The following CACNA1C variants were observed in gnomAD, a reference collection of about 807,000 sequenced individuals.
CACNA1C encodes the protein voltage-dependent L-type calcium channel subunit alpha-1C.
In CACNA1C, 30 loss-of-function variants were observed where a neutral mutation model predicts 229.0. The ratio of observed to expected loss-of-function variants is 0.13; its 90% CI spans 0.10 to 0.18. The LOEUF (loss-of-function observed/expected upper bound fraction) is 0.18. Among genes scored for constraint, CACNA1C ranks in the 10% least tolerant of loss-of-function variants. The pLI, the probability that CACNA1C is intolerant of heterozygous loss-of-function variation, is 1.00. For missense variants in CACNA1C, 1,658 were observed against 2,845.0 expected (o/e 0.58, Z 9.49); for synonymous variants, 1,114 against 1,132.5 (o/e 0.98, Z 0.33).
At chr12:2,205,996 C>T (rs2097749072) in intron 3 of CACNA1C, among the ~76,000 whole-genome samples, 1 of 152,158 alleles carries the variant, frequency 6.6e-6, no homozygotes, top group African/African-American at 2.4e-5. Context: ...AATATCATCA[C>T]ACTGGGGGCT....
intron 3 of CACNA1C, among the ~76,000 whole-genome samples, chr12:2,303,192 G>T (rs2094714986): frequency 6.6e-6 from 1 of 152,252 alleles, no homozygotes; most frequent in South Asian, 2.1e-4. Context: ...GTGGGAAAAT[G>T]AGTGAGGAAA....
intron 9 of CACNA1C, among the ~76,000 whole-genome samples, chr12:2,518,963 A>T (rs2099804078): frequency 6.6e-6 from 1 of 152,202 alleles, no homozygotes; most frequent in African/African-American, 2.4e-5. Context: ...CCAAGGTGGG[A>T]AACAGCCACC....
Position 2,152,459 on chromosome 12 carries a change from G to C in CACNA1C, c.477+32029G>C, listed in dbSNP as rs1340349997. On this transcript the variant is annotated intron_variant, in intron 3 of 46. Coordinates refer to ENST00000399655, the MANE Select transcript of CACNA1C (RefSeq NM_000719.7). This position sits in a 1 kb window ranked among gnomAD's most constrained non-coding sequence, Gnocchi z 4.2. ...CCTCTGCAGGCGTGTTGCCGTCATG[G>C]TGAGGAGCCATTTCATATCATGCAG... Among the ~76,000 whole-genome samples the C allele has an allele frequency of 6.6e-6, 1 of 152,198 alleles. No individual in the cohort carries two copies. Among genetic ancestry groups the C allele is most frequent in the Non-Finnish European group, 1.5e-5 (1 of 68,038 alleles).
intron 1 of CACNA1C, among the ~76,000 whole-genome samples, chr12:2,039,246 A>G (rs148667075): frequency 1.9e-3 from 296 of 152,226 alleles, no homozygotes; most frequent in African/African-American, 6.9e-3. Context: ...CTTTAAACTA[A>G]TCTCCCTGGG....
chr12:2,547,496 T>C, intron 9 of CACNA1C: 1 of 779,776 alleles, frequency 1.3e-6, no homozygotes, highest in Non-Finnish European at 2.4e-6. Flanking sequence ...GGAAGTTTGC[T>C]TGGTTTAGTC....
At chr12:1,985,801 C>A (rs138597034) in intron 1 of CACNA1C, among the ~76,000 whole-genome samples, 4,152 of 152,134 alleles carry the variant, frequency 0.027, 95 homozygotes, top group Middle Eastern at 0.054. Flanking sequence ...CTTCCCATAT[C>A]AGTTCCATTT....
At position 2,567,537 on chromosome 12, in the gene CACNA1C, C is replaced by G. The variant is rs538689269; in HGVS notation, c.1670-32C>G. 3.5e-6 allele frequency: 5 copies of G among 1,422,664 alleles called. No individual in the cohort carries two copies. The South Asian group carries it at 4.9e-5, about 14-fold the overall frequency. The allele number at this position is 1,422,664 out of a possible 1,614,324, so 88.1% of individuals were successfully genotyped here. ...TCCCTCTCTGCCTCCTCTGGCCCTGCTCGGATCTCATCCCTCTCCTGGGCC... is the reference window on the plus strand; with the variant it reads ...TCCCTCTCTGCCTCCTCTGGCCCTGGTCGGATCTCATCCCTCTCCTGGGCC... On this transcript the variant is annotated intron_variant, in intron 12 of 46. Coordinates refer to ENST00000399655, the MANE Select transcript of CACNA1C (RefSeq NM_000719.7).
chr12:2,097,311 A>ATTTTTTT (rs2074510419), intron 1 of CACNA1C, among the ~76,000 whole-genome samples: 1 of 151,702 alleles, frequency 6.6e-6, no homozygotes, highest in South Asian at 2.1e-4. Flanking sequence ...ACGCCCAGCT[A>ATTTTTTT]ATTTTTTTGT....
intron 3 of CACNA1C, among the ~76,000 whole-genome samples, chr12:2,308,207 A>G (rs149121493): frequency 6.6e-6 from 1 of 152,254 alleles, no homozygotes; most frequent in Non-Finnish European, 1.5e-5. Flanking sequence ...TTGATTTTTA[A>G]TGTGGATAAC....
chr12:2,448,114 GCA>G (rs1203980477), intron 3 of CACNA1C, among the ~76,000 whole-genome samples: 1 of 152,226 alleles, frequency 6.6e-6, no homozygotes, highest in Non-Finnish European at 1.5e-5. Context: ...GCATGAATCA[GCA>G]CAGAGTCGGC....
chr12:2,187,324 A>G (rs2097066560), intron 3 of CACNA1C, among the ~76,000 whole-genome samples: 1 of 152,072 alleles, frequency 6.6e-6, no homozygotes, highest in Admixed American at 6.5e-5. Flanking sequence ...CCTGGTAGGA[A>G]CCTCTGTGCA....
chr12:2,004,296 G>A (rs1029067751), intron 1 of CACNA1C: 6 of 1,613,068 alleles, frequency 3.7e-6, no homozygotes, highest in Admixed American at 1.7e-5. Context: ...TCGTTGGCCC[G>A]ATGGCCGAAG....
At chr12:2,109,167 G>A (rs1360800852) in intron 1 of CACNA1C, among the ~76,000 whole-genome samples, 1 of 152,188 alleles carries the variant, frequency 6.6e-6, no homozygotes, top group Non-Finnish European at 1.5e-5. Context: ...GGCCAAGCAG[G>A]GTGACTGCTG....
At chr12:2,435,521 T>G (rs1460493866) in intron 3 of CACNA1C, among the ~76,000 whole-genome samples, 1 of 152,204 alleles carries the variant, frequency 6.6e-6, no homozygotes, top group East Asian at 1.9e-4. Flanking sequence ...GCTGCTCATT[T>G]GAATTCACAT....
At chr12:2,086,610 T>TAC in intron 1 of CACNA1C, among the ~76,000 whole-genome samples, 1 of 152,222 alleles carries the variant, frequency 6.6e-6, no homozygotes, top group African/African-American at 2.4e-5. Context: ...GACAGTCCAG[T>TAC]GCAGTTACTC....
At chr12:1,979,905 A>T (rs1342639212) in intron 1 of CACNA1C, among the ~76,000 whole-genome samples, 2 of 152,208 alleles carry the variant, frequency 1.3e-5, no homozygotes, top group Non-Finnish European at 2.9e-5. Context: ...GTTATGGTAA[A>T]ATGCAAATTA....
chr12:2,578,231 G>A (rs552783063), intron 13 of CACNA1C, among the ~76,000 whole-genome samples: 1 of 152,230 alleles, frequency 6.6e-6, no homozygotes, highest in Non-Finnish European at 1.5e-5. Context: ...TGTGAGGCCT[G>A]AAGGAGCTGA....
chr12:2,691,021 A>G lies in CACNA1C; in HGVS notation c.6239A>G (p.Asn2080Ser), dbSNP rs886049209. The G allele has an allele frequency of 1.1e-5, 18 of 1,602,176 alleles. No homozygotes were observed. The highest frequency in any genetic ancestry group is 1.4e-5 in the Non-Finnish European group (16 of 1,174,610). The change falls in exon 47 of 47, where the codon AAC (asparagine) becomes AGC (serine). Residue 2080 changes from asparagine to serine, a missense_variant. Coordinates refer to ENST00000399655, the MANE Select transcript of CACNA1C (RefSeq NM_000719.7). Reference protein sequence around the residue: ...TIEEMESAADNILSGGAPQSP... With the variant: ...TIEEMESAADSILSGGAPQSP... ...GAGGAGATGGAGAGCGCGGCCGACAACATCCTCAGCGGGGGCGCCCCACAG... is the reference window on the plus strand; with the variant it reads ...GAGGAGATGGAGAGCGCGGCCGACAGCATCCTCAGCGGGGGCGCCCCACAG...
At chr12:2,682,211 G>A (rs1316881270) in intron 42 of CACNA1C, among the ~76,000 whole-genome samples, 1 of 152,232 alleles carries the variant, frequency 6.6e-6, no homozygotes, top group Non-Finnish European at 1.5e-5. Flanking sequence ...AAGTTAGGCA[G>A]GGCATATGTC....
Sources: gnomAD v4.1 joint callset for allele counts (sites outside exome capture counted in the v4.1 genomes callset) on GRCh38, gnomAD v4.1.1 for gene constraint, Gnocchi (gnomAD v3.1) non-coding constraint, MANE v1.5 for transcripts, NCBI Gene and HGNC (gene_info 2026-07-23, HGNC 2026-07-21) for gene names.